The following MINDY3 variants were observed in gnomAD, a reference collection of about 807,000 sequenced individuals.
MINDY3 encodes ubiquitin carboxyl-terminal hydrolase MINDY-3.
In MINDY3, 38 loss-of-function variants were observed where a neutral mutation model predicts 69.2. That is an observed-to-expected ratio of 0.55 (90% CI 0.42 to 0.72). The LOEUF (loss-of-function observed/expected upper bound fraction) is 0.72, where lower values mean the gene tolerates loss of function less well. Among genes scored for constraint, MINDY3 ranks in the 30% least tolerant of loss-of-function variants. MINDY3 has a pLI of 0.00. For synonymous variants in MINDY3, 192 were observed against 180.1 expected, an observed-to-expected ratio of 1.07 and a Z score of -0.53; for missense variants, 522 against 519.0, an observed-to-expected ratio of 1.01 and a Z score of -0.06.
At chr10:15,837,441 C>T (rs992517944) in intron 5 of MINDY3, 123 bp from the exon 6 acceptor site, 8 of 1,262,690 alleles carry the variant, frequency 6.3e-6, no homozygotes, top group African/African-American at 1.5e-5. Flanking sequence ...AGTTTTGGGA[C>T]GTTTCTAAAT....
intron 8 of MINDY3, among the ~76,000 whole-genome samples, chr10:15,831,625 C>T (rs114368891): frequency 1.3e-5 from 2 of 151,108 alleles, no homozygotes; most frequent in African/African-American, 2.4e-5. Flanking sequence ...ATATTCTGTA[C>T]AGGAAGTAAC....
rs1271041562 is a variant in MINDY3, at chr10:15,837,583, A to G, written c.462-265T>C. ...TCATCTCTTAGGTGAACTGTCTGGC[A>G]TCAGTAAATTCTTCAATAATATACA... On this transcript the variant is annotated intron_variant, in intron 5 of 14. Coordinates refer to ENST00000277632, the MANE Select transcript of MINDY3 (RefSeq NM_024948.4). The G allele has an allele frequency of 2.9e-6, 4 of 1,374,208 alleles. No homozygotes were observed. In the South Asian group the frequency reaches 5.0e-5, roughly 17 times the overall value. The allele number at this position is 1,374,208 out of a possible 1,614,324, so 85.1% of individuals were successfully genotyped here.
At chr10:15,819,824 A>G (rs1839633327) in intron 9 of MINDY3, among the ~76,000 whole-genome samples, 1 of 152,232 alleles carries the variant, frequency 6.6e-6, no homozygotes, top group East Asian at 1.9e-4. Context: ...CACTACAGCA[A>G]TATGTAAACA....
chr10:15,825,562 C>A (rs1588598401), intron 8 of MINDY3, among the ~76,000 whole-genome samples: 1 of 152,180 alleles, frequency 6.6e-6, no homozygotes, highest in East Asian at 1.9e-4. Flanking sequence ...AAAACTCATT[C>A]AGTTTCTGAC....
chr10:15,805,680 C>T (rs1588552301), intron 10 of MINDY3, among the ~76,000 whole-genome samples: 1 of 152,116 alleles, frequency 6.6e-6, no homozygotes, highest in African/African-American at 2.4e-5. Flanking sequence ...CAGAGAAATA[C>T]AACTGGGAGT....
At chr10:15,833,576 T>C (rs1209786986) in intron 8 of MINDY3, 54 bp downstream of exon 8, 3 of 1,131,332 alleles carry the variant, frequency 2.7e-6, no homozygotes, top group Non-Finnish European at 4.0e-6. Flanking sequence ...ATCAGCTGTA[T>C]TCCAATGAAA....
At chr10:15,837,433 T>G (rs1833165702) in intron 5 of MINDY3, 115 bp from the exon 6 acceptor site, 2 of 1,247,682 alleles carry the variant, frequency 1.6e-6, no homozygotes, top group Admixed American at 2.5e-5. Context: ...AACAGGAAAG[T>G]TTTGGGACGT....
chr10:15,852,076 T>C (rs925985818), intron 1 of MINDY3, among the ~76,000 whole-genome samples: 21 of 152,204 alleles, frequency 1.4e-4, no homozygotes, highest in Non-Finnish European at 1.9e-4. Context: ...ATAGGGATAT[T>C]TCCTTACAAA....
At chr10:15,834,671 C>T (rs1287146866) in intron 6 of MINDY3, 55 bp from the exon 7 acceptor site, 1 of 1,283,608 alleles carries the variant, frequency 7.8e-7, no homozygotes, top group Admixed American at 1.7e-5. Context: ...AAAATTATGA[C>T]TGTTTAAAAA....
Position 15,821,655 on chromosome 10 carries a change from C to T in MINDY3, c.801+1G>A. On this transcript the variant is annotated splice_donor_variant, in intron 9 of 14. Coordinates refer to ENST00000277632, the MANE Select transcript of MINDY3 (RefSeq NM_024948.4). LOFTEE classifies it high-confidence loss of function. Reference sequence around the variant, plus strand: ...TCAAAGTACCTTAAAAATCAATTTACCTTACAGTATCTTAAAGCTTCCATT... The same window carrying T: ...TCAAAGTACCTTAAAAATCAATTTATCTTACAGTATCTTAAAGCTTCCATT... 3 of 1,604,916 alleles carry T rather than the reference C, an allele frequency of 1.9e-6. No individual in the cohort carries two copies. Among genetic ancestry groups the T allele is most frequent in the Non-Finnish European group, 2.6e-6 (3 of 1,174,308 alleles).
At chr10:15,806,700 T>C (rs1838661744) in intron 10 of MINDY3, among the ~76,000 whole-genome samples, 1 of 152,190 alleles carries the variant, frequency 6.6e-6, no homozygotes, top group Admixed American at 6.5e-5. Context: ...AAGCTGGTCC[T>C]ACAGCTGATC....
intron 1 of MINDY3, chr10:15,857,791 G>A (rs1834799354): frequency 4.0e-6 from 1 of 250,448 alleles, no homozygotes. Flanking sequence ...CACTCCTGCA[G>A]CTTATTGTTT....
intron 10 of MINDY3, among the ~76,000 whole-genome samples, chr10:15,809,572 T>C (rs1459863283): frequency 1.3e-5 from 2 of 152,116 alleles, no homozygotes; most frequent in African/African-American, 2.4e-5. Context: ...TCCATCGTAC[T>C]TAATAGGAAT....
intron 12 of MINDY3, among the ~76,000 whole-genome samples, chr10:15,788,085 A>G (rs1041588724): frequency 6.6e-6 from 1 of 152,036 alleles, no homozygotes; most frequent in African/African-American, 2.4e-5. Context: ...AAAAAAAAAA[A>G]CTTTCTTCTT....
At chr10:15,822,893 A>G (rs1209162592) in intron 8 of MINDY3, among the ~76,000 whole-genome samples, 1 of 152,174 alleles carries the variant, frequency 6.6e-6, no homozygotes, top group Admixed American at 6.5e-5. Context: ...ATACATTAAT[A>G]TAATAATATA....
chr10:15,851,757 T>C (rs1249817790), intron 1 of MINDY3, among the ~76,000 whole-genome samples: 6 of 152,090 alleles, frequency 3.9e-5, no homozygotes, highest in African/African-American at 9.7e-5. Context: ...TGCCAGAAAG[T>C]ATTTTAGAAA....
At chr10:15,801,815 G>A (rs111365619) in intron 10 of MINDY3, among the ~76,000 whole-genome samples, 87 of 152,066 alleles carry the variant, frequency 5.7e-4, no homozygotes, top group African/African-American at 2.0e-3. Context: ...TTGTGCATGA[G>A]TTCATAGGAT....
chr10:15,789,435 T>G, intron 11 of MINDY3, 116 bp from the exon 12 acceptor site: 1 of 666,560 alleles, frequency 1.5e-6, no homozygotes, highest in Non-Finnish European at 2.6e-6. Context: ...AGAGTTAACA[T>G]ACTATTCCTT....
intron 11 of MINDY3, among the ~76,000 whole-genome samples, chr10:15,793,574 T>A (rs1311809902): frequency 6.6e-6 from 1 of 152,098 alleles, no homozygotes; most frequent in Non-Finnish European, 1.5e-5. Flanking sequence ...TTTAGAAAGG[T>A]TAAAAAGTAC....
Sources: gnomAD v4.1 joint callset for allele counts (sites outside exome capture counted in the v4.1 genomes callset) on GRCh38, gnomAD v4.1.1 for gene constraint, MANE v1.5 for transcripts, NCBI Gene and HGNC (gene_info 2026-07-23, HGNC 2026-07-21) for gene names.